Variants in SLC39A12 observed in about 807,000 individuals in gnomAD.
The protein encoded by SLC39A12 is solute carrier family 39 member 12.
A neutral mutation model predicts 71.1 loss-of-function variants in SLC39A12; 63 were observed. The ratio of observed to expected loss-of-function variants is 0.89; its 90% CI spans 0.72 to 1.09. The LOEUF (loss-of-function observed/expected upper bound fraction) is 1.09. Among genes scored for constraint, SLC39A12 ranks in the 50% least tolerant of loss-of-function variants. The pLI is 0.00. For missense variants in SLC39A12, 892 were observed against 812.6 expected (o/e 1.10, Z -1.19); for synonymous variants, 351 against 301.3 (o/e 1.16, Z -1.71).
At chr10:17,999,618 T>G (rs554038356) in intron 10 of SLC39A12, among the ~76,000 whole-genome samples, 19 of 152,332 alleles carry the variant, frequency 1.2e-4, no homozygotes, top group South Asian at 1.2e-3. Flanking sequence ...CAAAATTATT[T>G]CATTGGCTCT....
intron 12 of SLC39A12, among the ~76,000 whole-genome samples, chr10:18,025,461 C>T (rs1321637611): frequency 6.6e-6 from 1 of 152,110 alleles, no homozygotes; most frequent in Non-Finnish European, 1.5e-5. Context: ...TCAATTCCCA[C>T]CTACGAGTGA....
At chr10:17,965,738 A>T in intron 4 of SLC39A12, 48 bp downstream of exon 4, 1 of 1,467,568 alleles carries the variant, frequency 6.8e-7, no homozygotes, top group Non-Finnish European at 9.4e-7. Context: ...CCTGCTAAAT[A>T]AACTATGCCA....
At chr10:17,991,693 T>C (rs1175267764) in intron 8 of SLC39A12, among the ~76,000 whole-genome samples, 1 of 152,216 alleles carries the variant, frequency 6.6e-6, no homozygotes, top group Non-Finnish European at 1.5e-5. Flanking sequence ...CTTAAAGGCA[T>C]TTAAAATTAC....
In SLC39A12 at chr10:18,015,622, T is replaced by C. The variant is rs139836791; in HGVS notation, c.1947+12264T>C. ...TCTAGTAACTCGAAATATGCTTTAGTTTTTCCTTCTTTTTTATTTTTAAAA... is the reference window on the plus strand; with the variant it reads ...TCTAGTAACTCGAAATATGCTTTAGCTTTTCCTTCTTTTTTATTTTTAAAA... On this transcript the variant is annotated intron_variant, in intron 12 of 12. Coordinates refer to ENST00000377369, the MANE Select transcript of SLC39A12 (RefSeq NM_001145195.2). Among the ~76,000 whole-genome samples the C allele has an allele frequency of 4.7e-3, 487 of 104,382 alleles. 4 individuals carry two copies. Among genetic ancestry groups the C allele is most frequent in the African/African-American group, 0.019 (465 of 24,230 alleles). The allele number at this position is 104,382 out of a possible 152,430, so 68.5% of individuals were successfully genotyped here.
chr10:18,023,282 G>C (rs566069880), intron 12 of SLC39A12, among the ~76,000 whole-genome samples: 1 of 152,220 alleles, frequency 6.6e-6, no homozygotes, highest in Non-Finnish European at 1.5e-5. Flanking sequence ...TGGAGTGGCT[G>C]CATTGCAAGC....
intron 4 of SLC39A12, among the ~76,000 whole-genome samples, chr10:17,969,252 G>T (rs988328451): frequency 2.0e-5 from 3 of 152,154 alleles, no homozygotes; most frequent in Non-Finnish European, 4.4e-5. Context: ...TGACAAAAAT[G>T]AGAGTGCAGA....
intron 12 of SLC39A12, among the ~76,000 whole-genome samples, chr10:18,023,491 C>T (rs1836590788): frequency 6.6e-6 from 1 of 152,064 alleles, no homozygotes; most frequent in African/African-American, 2.4e-5. Flanking sequence ...GGCAGAGGGG[C>T]TGTCAGTTTC....
chr10:18,033,432 T>A (rs1836908193), intron 12 of SLC39A12, among the ~76,000 whole-genome samples: 1 of 151,502 alleles, frequency 6.6e-6, no homozygotes, highest in Admixed American at 6.6e-5. Flanking sequence ...TCTAGTTTAT[T>A]TGCGTAGAGG....
At chr10:18,026,921 T>A (rs1164638338) in intron 12 of SLC39A12, among the ~76,000 whole-genome samples, 1 of 152,216 alleles carries the variant, frequency 6.6e-6, no homozygotes, top group African/African-American at 2.4e-5. Flanking sequence ...CTGTTTTGAA[T>A]GTTGTCTTTT....
chr10:18,006,919 G>C (rs888715799), intron 12 of SLC39A12, among the ~76,000 whole-genome samples: 5 of 152,180 alleles, frequency 3.3e-5, no homozygotes, highest in Non-Finnish European at 7.3e-5. Flanking sequence ...CTTGGAATGG[G>C]TCTCTGCAGC....
chr10:17,966,379 T>C (rs1467665428), intron 4 of SLC39A12, among the ~76,000 whole-genome samples: 1 of 152,106 alleles, frequency 6.6e-6, no homozygotes, highest in East Asian at 1.9e-4. Context: ...GGTGGGACCG[T>C]AATTCACTGT....
At chr10:18,004,342 T>A (rs371272110) in intron 12 of SLC39A12, 37 of 152,292 alleles carry the variant, frequency 2.4e-4, no homozygotes, top group African/African-American at 8.4e-4. Flanking sequence ...GTAAATAACC[T>A]TGAAGGTAAT....
chr10:18,037,535 C>G (rs1230304263), intron 12 of SLC39A12, among the ~76,000 whole-genome samples: 1 of 152,032 alleles, frequency 6.6e-6, no homozygotes, highest in Non-Finnish European at 1.5e-5. Context: ...CCTCTCTGAG[C>G]TAATGTTTCT....
intron 6 of SLC39A12, among the ~76,000 whole-genome samples, chr10:17,985,497 C>G (rs1430187405): frequency 6.6e-6 from 1 of 151,104 alleles, no homozygotes; most frequent in African/African-American, 2.4e-5. Context: ...TATTTTGACA[C>G]CAGGATTGTT....
chr10:17,969,909 AGT>A (rs1169942957), intron 4 of SLC39A12, among the ~76,000 whole-genome samples: 6 of 152,204 alleles, frequency 3.9e-5, no homozygotes, highest in Non-Finnish European at 8.8e-5. Context: ...AGTATTTCAT[AGT>A]CTGAAATCTT....
At position 17,988,419 on chromosome 10, in the gene SLC39A12, T is replaced by G. The variant is rs74556753; in HGVS notation, c.1269+768T>G. Among the ~76,000 whole-genome samples, 444 of 152,294 alleles carry G rather than the reference T, an allele frequency of 2.9e-3. 1 individual carries two copies. The highest frequency in any genetic ancestry group is 0.01 in the African/African-American group (430 of 41,570). On this transcript the variant is annotated intron_variant, in intron 7 of 12. Transcript: ENST00000377369. ...CTCTCTCATTATGTGATGTGCCTGC[T>G]TCCCCTTCACTGTCTACTGTGATTG...
At chr10:18,033,532 C>T (rs1050494774) in intron 12 of SLC39A12, among the ~76,000 whole-genome samples, 20 of 143,660 alleles carry the variant, frequency 1.4e-4, no homozygotes, top group African/African-American at 5.2e-4. Context: ...CTATTTGATT[C>T]TTCTCTCTTT....
chr10:18,022,309 TTTTG>T (rs1428678649), intron 12 of SLC39A12, among the ~76,000 whole-genome samples: 9 of 151,954 alleles, frequency 5.9e-5, no homozygotes, highest in Admixed American at 2.0e-4. Context: ...TTCTCAGAGG[TTTTG>T]TTTATTTTTT....
intron 12 of SLC39A12, among the ~76,000 whole-genome samples, chr10:18,034,178 A>G (rs1205505089): frequency 6.6e-5 from 10 of 152,064 alleles, no homozygotes; most frequent in African/African-American, 9.7e-5. Flanking sequence ...CACTTGGTGC[A>G]GAGCTGAGTT....
Sources: gnomAD v4.1 joint callset for allele counts (sites outside exome capture counted in the v4.1 genomes callset) on GRCh38, gnomAD v4.1.1 for gene constraint, MANE v1.5 for transcripts, NCBI Gene and HGNC (gene_info 2026-07-23, HGNC 2026-07-21) for gene names.